PRR33: variants seen among roughly 807,000 people sequenced by gnomAD.
PRR33 encodes the protein proline rich 33.
PRR33 carries 1 observed loss-of-function variant against 0.5 expected under a neutral mutation model. The observed-to-expected ratio is 2.18, with a 90% CI of 0.77 to 10.34. The LOEUF (loss-of-function observed/expected upper bound fraction) is 10.34, where lower values mean the gene tolerates loss of function less well. Among genes scored for constraint, PRR33 ranks in the 30% most tolerant of loss-of-function variants. The pLI is 0.13. For missense variants in PRR33, 552 were observed against 251.8 expected, an observed-to-expected ratio of 2.19 and a Z score of -8.07; for synonymous variants, 226 against 110.0, an observed-to-expected ratio of 2.06 and a Z score of -6.60.
the PRR33 span, among the ~76,000 whole-genome samples, chr11:1,909,868 T>A: frequency 6.6e-6 from 1 of 152,226 alleles, no homozygotes; most frequent in African/African-American, 2.4e-5. Context: ...TGTGGTGGAA[T>A]CCTCTGCTCT....
exon 1 of PRR33, chr11:1,890,519 T>G (rs1457934881): frequency 4.2e-6 from 3 of 715,142 alleles, no homozygotes; most frequent in Non-Finnish European, 7.8e-6. Flanking sequence ...GCGGTGGGGG[T>G]CCAGGGGTTC....
the PRR33 span, among the ~76,000 whole-genome samples, chr11:1,907,100 T>G: frequency 3.3e-5 from 5 of 152,214 alleles, no homozygotes; most frequent in East Asian, 7.7e-4. Flanking sequence ...TGAGAGCCAT[T>G]GTGTTGTGTA....
At chr11:1,908,025 T>C in the PRR33 span, 2 of 152,234 alleles carry the variant, frequency 1.3e-5, no homozygotes, top group Non-Finnish European at 2.9e-5. Context: ...CACTGCCTCG[T>C]AGCTGTGTGA....
upstream of PRR33, among the ~76,000 whole-genome samples, chr11:1,896,049 C>T (rs1258440486): frequency 6.6e-6 from 1 of 152,184 alleles, no homozygotes; most frequent in African/African-American, 2.4e-5. Flanking sequence ...GATTTCTGGA[C>T]CGTTTTCTTT....
chr11:1,915,471 TCA>T, the PRR33 span, among the ~76,000 whole-genome samples: 25 of 141,792 alleles, frequency 1.8e-4, no homozygotes, highest in African/African-American at 6.7e-4. Flanking sequence ...TGTTGTGGGG[TCA>T]CACACCTCAG....
the PRR33 span, among the ~76,000 whole-genome samples, chr11:1,907,517 T>C: frequency 6.6e-6 from 1 of 152,170 alleles, no homozygotes; most frequent in African/African-American, 2.4e-5. Context: ...GTTCAAGTGA[T>C]TCTCCTGCCT....
At chr11:1,896,788 TTAGGGAA>T (rs1849129290), upstream of PRR33, among the ~76,000 whole-genome samples, 2 of 152,234 alleles carry the variant, frequency 1.3e-5, no homozygotes. Flanking sequence ...CTGTATTAGG[TTAGGGAA>T]GTTCCCTCTA....
chr11:1,904,870 G>A, the PRR33 span, among the ~76,000 whole-genome samples: 20 of 151,566 alleles, frequency 1.3e-4, no homozygotes, highest in Admixed American at 2.0e-4. Flanking sequence ...TCCTGATATC[G>A]GTAATTTCTA....
At chr11:1,916,810 G>T in the PRR33 span, among the ~76,000 whole-genome samples, 1 of 152,202 alleles carries the variant, frequency 6.6e-6, no homozygotes, top group Admixed American at 6.5e-5. Context: ...CCCGTCCACG[G>T]CCACAGCAAC....
the PRR33 span, among the ~76,000 whole-genome samples, chr11:1,913,293 A>C: frequency 8.2e-6 from 1 of 122,580 alleles, no homozygotes; most frequent in Non-Finnish European, 1.7e-5. Flanking sequence ...CGCCCAGCTA[A>C]CTTTTTTGTT....
At chr11:1,889,680 G>T (rs1294098148) in exon 1 of PRR33, 1 of 635,236 alleles carries the variant, frequency 1.6e-6, no homozygotes, top group South Asian at 1.8e-5. Flanking sequence ...CTCAGCGGCG[G>T]GGCCAGCCAT....
exon 1 of PRR33, chr11:1,889,852 G>C (rs1202200697): frequency 7.9e-6 from 5 of 632,486 alleles, no homozygotes; most frequent in South Asian, 7.4e-5. Context: ...GGTACAGGGG[G>C]CTCCTCAGGC....
chr11:1,913,732 G>A, the PRR33 span, among the ~76,000 whole-genome samples: 1 of 152,232 alleles, frequency 6.6e-6, no homozygotes, highest in Non-Finnish European at 1.5e-5. Flanking sequence ...TGTCTCTCAC[G>A]TGTCCTCTGG....
At chr11:1,889,330 C>T (rs1362002947) in exon 1 of PRR33, 1 of 710,870 alleles carries the variant, frequency 1.4e-6, no homozygotes, top group Non-Finnish European at 2.6e-6. Flanking sequence ...CCGCTGGGCC[C>T]TGCCAGGCGC....
At chr11:1,889,236 G>A in exon 1 of PRR33, 1 of 674,098 alleles carries the variant, frequency 1.5e-6, no homozygotes. Flanking sequence ...AGGGGGCCGG[G>A]TGGCCTCCTG....
the PRR33 span, among the ~76,000 whole-genome samples, chr11:1,913,540 C>G: frequency 7.2e-5 from 11 of 152,188 alleles, no homozygotes; most frequent in Admixed American, 5.9e-4. Context: ...CATTCTCCTT[C>G]AGTTCCAGCC....
chr11:1,898,791 A>G, the PRR33 span, among the ~76,000 whole-genome samples: 1 of 152,132 alleles, frequency 6.6e-6, no homozygotes, highest in Non-Finnish European at 1.5e-5. Flanking sequence ...ACTTGAGGTC[A>G]GGAGTTCGAG....
chr11:1,905,833 G>GT, the PRR33 span, among the ~76,000 whole-genome samples: 13 of 151,694 alleles, frequency 8.6e-5, no homozygotes, highest in Non-Finnish European at 1.6e-4. Context: ...CTTTCTTTTT[G>GT]TGGGGGGGAC....
chr11:1,889,688 CA>C, the PRR33 span: 1 of 636,290 alleles, frequency 1.6e-6, no homozygotes, highest in Non-Finnish European at 2.9e-6. Context: ...CGGGGCCAGC[CA>C]TCGGGGGCTC....
Sources: allele counts gnomAD v4.1 joint callset (sites outside exome capture counted in the v4.1 genomes callset), GRCh38; gene constraint gnomAD v4.1.1; transcripts MANE v1.5; gene names NCBI Gene and HGNC (gene_info 2026-07-23, HGNC 2026-07-21).